Variants in OPTN observed in about 807,000 individuals in gnomAD.
OPTN encodes the protein optineurin, also known as E3-14.7K-interacting protein.
A neutral mutation model predicts 70.4 loss-of-function variants in OPTN; 54 were observed. That is an observed-to-expected ratio of 0.77 (90% CI 0.62 to 0.96). The LOEUF is 0.96. Ranked by LOEUF, OPTN falls within the 40% of genes least tolerant of loss-of-function variation. The pLI is 0.00. For synonymous variants in OPTN, 256 were observed against 248.5 expected, an observed-to-expected ratio of 1.03 and a Z score of -0.28; for missense variants, 624 against 673.2, an observed-to-expected ratio of 0.93 and a Z score of 0.81.
At chr10:13,114,245 G>A (rs963949517) in intron 5 of OPTN, among the ~76,000 whole-genome samples, 2 of 152,092 alleles carry the variant, frequency 1.3e-5, no homozygotes, top group African/African-American at 4.8e-5. Context: ...AATAGAGTTA[G>A]GAAACAGCTC....
At chr10:13,135,177 T>A (rs1363833919) in intron 14 of OPTN, among the ~76,000 whole-genome samples, 5 of 152,012 alleles carry the variant, frequency 3.3e-5, no homozygotes, top group Non-Finnish European at 7.4e-5. Flanking sequence ...CTAGGCTGAG[T>A]CCAAAAAACC....
At chr10:13,113,152 G>A (rs1225696538) in intron 5 of OPTN, among the ~76,000 whole-genome samples, 6 of 152,112 alleles carry the variant, frequency 3.9e-5, no homozygotes, top group Non-Finnish European at 7.4e-5. Flanking sequence ...CTCCCAAGTC[G>A]CTGGGACTAC....
intron 4 of OPTN, 27 bp downstream of exon 4, chr10:13,110,503 TG>T (rs1832972729): frequency 1.3e-6 from 2 of 1,506,922 alleles, no homozygotes; most frequent in Non-Finnish European, 8.9e-7. Flanking sequence ...ATTGTGATGT[TG>T]TTTTTTTTTT....
intron 10 of OPTN, 147 bp downstream of exon 10, chr10:13,125,714 G>T: frequency 2.1e-6 from 2 of 946,576 alleles, no homozygotes; most frequent in South Asian, 1.6e-5. Context: ...TCTCAGAGAG[G>T]GGGATAAAAT....
chr10:13,121,027 G>A (rs774642401), intron 7 of OPTN, among the ~76,000 whole-genome samples: 2 of 152,136 alleles, frequency 1.3e-5, no homozygotes, highest in African/African-American at 4.8e-5. Context: ...TCACTATCAC[G>A]AGAACAGCAT....
In OPTN at chr10:13,127,754, G is replaced by C. The variant is rs778018503; in HGVS notation, c.1252G>C (p.Val418Leu). 2 of 1,614,124 alleles carry C rather than the reference G, an allele frequency of 1.2e-6. No individual in the cohort carries two copies. Among genetic ancestry groups the C allele is most frequent in the African/African-American group, 1.3e-5 (1 of 75,038 alleles). The change falls in exon 12 of 15, where the codon GTG (valine) becomes CTG (leucine). Residue 418 changes from valine (V) to leucine (L), a missense_variant. Transcript: ENST00000378747. ...EELTRKESEK[V>L]DRAVLKELSE... ...AATGTTTCTTTTTCAGTCAGAAAAA[G>C]TGGACAGGGCAGTGCTGAAGGAACT...
In OPTN at chr10:13,136,799, C is replaced by G; in HGVS notation, c.1667C>G (p.Pro556Arg). The G allele has an allele frequency of 6.2e-7, 1 of 1,614,138 alleles. No homozygotes were observed. ...QQRNIPIHSC[P>R]KCGEVLPDID... is the part of the protein sequence containing the mutation. Reference sequence around the variant, plus strand: ...CGGAATATTCCGATTCATTCCTGCCCCAAGTGTGGAGAGGTTCTGCCTGAC... The same window carrying G: ...CGGAATATTCCGATTCATTCCTGCCGCAAGTGTGGAGAGGTTCTGCCTGAC... Residue 556 changes from proline to arginine, a missense_variant, in exon 15 of 15, where the codon CCC (proline) becomes CGC (arginine). By Grantham distance (103) the Pro-to-Arg change is moderately radical (BLOSUM62 -2). Transcript: ENST00000378747.
chr10:13,109,172 G>T lies in OPTN; in HGVS notation c.50G>T (p.Ser17Ile), dbSNP rs775446537. Residue 17 changes from serine (S) to isoleucine (I), a missense_variant, in exon 3 of 15, where the codon AGT becomes ATT. Transcript: ENST00000378747. ...CTCACTGAAAAGGAGGACAGCCCCA[G>T]TGAAAGCACAGGAAATGGACCCCCC... ...SCLTEKEDSP[S>I]ESTGNGPPHL... 3 of 1,614,020 alleles carry T rather than the reference G, an allele frequency of 1.9e-6. No individual in the cohort carries two copies. The highest frequency in any genetic ancestry group is 1.7e-5 in the Admixed American group (1 of 60,016).
chr10:13,127,772 A>C lies in OPTN; in HGVS notation c.1270A>C (p.Lys424Gln). The change falls in exon 12 of 15, where the codon AAG becomes CAG. Residue 424 changes from lysine to glutamine, a missense_variant. By Grantham distance (53) the Lys-to-Gln change is moderately conservative. Coordinates refer to ENST00000378747, the MANE Select transcript of OPTN (RefSeq NM_001008212.2). ...ESEKVDRAVL[K>Q]ELSEKLELAE... ...AGAAAAAGTGGACAGGGCAGTGCTG[A>C]AGGAACTGAGTGAAAAACTGGAACT... The C allele has an allele frequency of 1.2e-6, 2 of 1,614,174 alleles. No individual in the cohort carries two copies. Among genetic ancestry groups the C allele is most frequent in the Middle Eastern group, 3.3e-4 (2 of 6,062 alleles).
intron 1 of OPTN, among the ~76,000 whole-genome samples, chr10:13,103,752 A>ACACACACG: frequency 6.6e-6 from 1 of 151,644 alleles, no homozygotes. Context: ...GCACACACAC[A>ACACACACG]CACACACACA....
chr10:13,135,865 T>C (rs574457491), intron 14 of OPTN, among the ~76,000 whole-genome samples: 3 of 152,290 alleles, frequency 2.0e-5, no homozygotes, highest in South Asian at 2.1e-4. Context: ...ACTGAAACCA[T>C]GTATTTTCGC....
chr10:13,126,173 C>T, intron 11 of OPTN, 134 bp downstream of exon 11: 2 of 666,300 alleles, frequency 3.0e-6, no homozygotes, highest in East Asian at 2.8e-5. Context: ...ATCATTATTT[C>T]TTGCATCTAG....
chr10:13,133,366 AATTAGTCTGGTTTTTAT>A, intron 13 of OPTN, 119 bp from the exon 14 acceptor site: 1 of 733,026 alleles, frequency 1.4e-6, no homozygotes. Context: ...TTAAAACTAA[AATTAGTCTGGTTTTTAT>A]GAACCTTGGC....
intron 1 of OPTN, among the ~76,000 whole-genome samples, chr10:13,106,989 C>T (rs1351287260): frequency 6.6e-6 from 1 of 152,168 alleles, no homozygotes; most frequent in East Asian, 1.9e-4. Flanking sequence ...CTCTCCTCAC[C>T]CCTTTTGTGC....
chr10:13,116,516 C>T (rs1236310198), intron 6 of OPTN, 176 bp downstream of exon 6: 1 of 671,840 alleles, frequency 1.5e-6, no homozygotes, highest in African/African-American at 1.8e-5. Context: ...CTCAAACTGG[C>T]AAAGATTAAA....
chr10:13,119,359 T>G (rs187950216), intron 7 of OPTN, among the ~76,000 whole-genome samples: 52 of 152,366 alleles, frequency 3.4e-4, no homozygotes, highest in Non-Finnish European at 4.9e-4. Flanking sequence ...GTTTTTGAGG[T>G]TCATCTACAA....
chr10:13,103,672 C>T (rs143402209), intron 1 of OPTN, among the ~76,000 whole-genome samples: 6 of 152,158 alleles, frequency 3.9e-5, no homozygotes, highest in Admixed American at 6.5e-5. Flanking sequence ...GATGTATGCT[C>T]GTGTTTACAA....
At chr10:13,103,745 C>CACACAG (rs760408507) in intron 1 of OPTN, among the ~76,000 whole-genome samples, 1,195 of 63,926 alleles carry the variant, frequency 0.019, 17 homozygotes, top group African/African-American at 0.033. Flanking sequence ...CACACATGCA[C>CACACAG]ACACACACAC....
intron 8 of OPTN, 147 bp from the exon 9 acceptor site, chr10:13,123,848 A>G: frequency 1.5e-6 from 1 of 668,782 alleles, no homozygotes; most frequent in Admixed American, 2.3e-5. Flanking sequence ...CTTTTCCTAC[A>G]CAATGTTTGG....
Sources: allele counts gnomAD v4.1 joint callset (sites outside exome capture counted in the v4.1 genomes callset), GRCh38; gene constraint gnomAD v4.1.1; transcripts MANE v1.5; gene names NCBI Gene and HGNC (gene_info 2026-07-23, HGNC 2026-07-21).